Variants in PJA2 observed in about 807,000 individuals in gnomAD.
The protein encoded by PJA2 is praja ring finger ubiquitin ligase 2.
In PJA2, 25 loss-of-function variants were observed where a neutral mutation model predicts 69.3. That is an observed-to-expected ratio of 0.36 (90% CI 0.26 to 0.50). The LOEUF is 0.50. Ranked by LOEUF, PJA2 falls within the 20% of genes least tolerant of loss-of-function variation. PJA2 has a pLI of 0.96. For synonymous variants in PJA2, 308 were observed against 277.8 expected (o/e 1.11, Z -1.08); for missense variants, 809 against 830.2 (o/e 0.97, Z 0.31).
intron 5 of PJA2, among the ~76,000 whole-genome samples, chr5:109,367,158 A>C (rs900424243): frequency 1.4e-5 from 2 of 148,100 alleles, no homozygotes; most frequent in South Asian, 2.1e-4. Flanking sequence ...ATATATATAT[A>C]TATATATCTA....
At chr5:109,337,857 A>C (rs74379077) in intron 9 of PJA2, among the ~76,000 whole-genome samples, 1,898 of 152,218 alleles carry the variant, frequency 0.012, 36 homozygotes, top group African/African-American at 0.044. Context: ...GGTCGATGGC[A>C]AATTAAAGCC....
intron 1 of PJA2, among the ~76,000 whole-genome samples, chr5:109,385,544 A>G (rs934696679): frequency 1.3e-5 from 2 of 152,244 alleles, no homozygotes; most frequent in Non-Finnish European, 2.9e-5. Context: ...TGAGATATCT[A>G]TTAGACATTC....
At chr5:109,354,312 A>G (rs1582593044) in intron 7 of PJA2, among the ~76,000 whole-genome samples, 1 of 145,842 alleles carries the variant, frequency 6.9e-6, no homozygotes, top group Admixed American at 6.8e-5. Flanking sequence ...AGATATCTAT[A>G]GATTAGATAT....
At chr5:109,363,275 T>C (rs1179644836) in intron 5 of PJA2, among the ~76,000 whole-genome samples, 2 of 152,258 alleles carry the variant, frequency 1.3e-5, no homozygotes, top group Non-Finnish European at 2.9e-5. Flanking sequence ...AAATTATCTA[T>C]GCTGTTTTCT....
intron 5 of PJA2, among the ~76,000 whole-genome samples, chr5:109,363,247 CAT>C (rs1762530269): frequency 6.6e-6 from 1 of 152,152 alleles, no homozygotes; most frequent in Non-Finnish European, 1.5e-5. Context: ...TACATAGGAA[CAT>C]ATTTATTTGA....
chr5:109,342,810 G>A (rs1483798593), intron 9 of PJA2, among the ~76,000 whole-genome samples: 11 of 80,790 alleles, frequency 1.4e-4, no homozygotes, highest in Non-Finnish European at 1.5e-4. Context: ...CCGGCCAGCC[G>A]CCCCGTCCGG....
At chr5:109,370,596 G>C (rs1387977229) in intron 4 of PJA2, among the ~76,000 whole-genome samples, 1 of 152,120 alleles carries the variant, frequency 6.6e-6, no homozygotes, top group East Asian at 1.9e-4. Context: ...AAAGTTCCTT[G>C]TATGCTGTAC....
intron 1 of PJA2, among the ~76,000 whole-genome samples, chr5:109,405,870 T>G (rs1359645724): frequency 6.6e-6 from 1 of 151,852 alleles, no homozygotes; most frequent in African/African-American, 2.4e-5. Context: ...TAAGAAAAAG[T>G]TGGTAAGATG....
intron 6 of PJA2, among the ~76,000 whole-genome samples, chr5:109,357,535 G>A (rs1015322819): frequency 6.6e-6 from 1 of 152,124 alleles, no homozygotes. Context: ...CCCTCATCTA[G>A]CAGTAAGATG....
intron 1 of PJA2, among the ~76,000 whole-genome samples, chr5:109,397,005 G>A (rs1747430913): frequency 6.6e-6 from 1 of 152,150 alleles, no homozygotes; most frequent in Non-Finnish European, 1.5e-5. Context: ...ATTAAAAGGT[G>A]GGGTCTTTTG....
Position 109,378,356 on chromosome 5 carries a change from A to C in PJA2, c.1131T>G (p.Asp377Glu). ...YDGEHDCMFL[D>E]PPYSRVITQR... is the part of the protein sequence containing the mutation. ...GTGTAATAACTCTTGAGTATGGTGG[A>C]TCCAAGAACATACAGTCATGCTCTC... The change falls in exon 4 of 10, where the codon GAT (aspartate) becomes GAG (glutamate). Residue 377 changes from aspartate to glutamate, a missense_variant. This residue lies in a region of PJA2 where 700 missense variants were observed against 639.5 expected (regional missense o/e 1.09). Transcript: ENST00000361189. 1 of 1,614,170 alleles carries C rather than the reference A, an allele frequency of 6.2e-7. No individual in the cohort carries two copies.
intron 1 of PJA2, among the ~76,000 whole-genome samples, chr5:109,399,929 T>A (rs1484903282): frequency 6.6e-6 from 1 of 151,980 alleles, no homozygotes; most frequent in Non-Finnish European, 1.5e-5. Flanking sequence ...AAAAAACAGT[T>A]AACAGAAATG....
chr5:109,397,638 C>A (rs1354876472), intron 1 of PJA2, among the ~76,000 whole-genome samples: 1 of 152,106 alleles, frequency 6.6e-6, no homozygotes. Context: ...CCTGCCTCAG[C>A]CTCCCAAGCA....
intron 1 of PJA2, 23 bp from the exon 2 acceptor site, chr5:109,383,543 A>C: frequency 1.2e-6 from 1 of 856,776 alleles, no homozygotes. Flanking sequence ...AATGAATTGA[A>C]CAATATATTA....
At chr5:109,375,758 G>GGATGACAATGAAACATCAGGGA (rs1226624933) in intron 4 of PJA2, among the ~76,000 whole-genome samples, 14 of 152,228 alleles carry the variant, frequency 9.2e-5, no homozygotes, top group Middle Eastern at 6.8e-3. Flanking sequence ...GAACTAGGGA[G>GGATGACAATGAAACATCAGGGA]GATGACAATG....
Position 109,337,257 on chromosome 5 carries a change from T to C in PJA2, c.2101A>G (p.Asn701Asp), listed in dbSNP as rs755957449. Residue 701 changes from asparagine (N) to aspartate (D), a missense_variant, in exon 10 of 10, where the codon AAT (asparagine) becomes GAT (aspartate). Transcript: ENST00000361189. ...TAGGGTGCTTCTGCAATACTGTCATTTGAAGGTGGGGCATCAGGATCAGGC... is the reference window on the plus strand; with the variant it reads ...TAGGGTGCTTCTGCAATACTGTCATCTGAAGGTGGGGCATCAGGATCAGGC... The part of the protein sequence containing the change: ...SEPDPDAPPS[N>D]DSIAEAP 14 of 1,613,804 alleles carry C rather than the reference T, an allele frequency of 8.7e-6. 1 individual carries two copies. The highest frequency in any genetic ancestry group is 1.7e-4 in the Middle Eastern group (1 of 6,026).
At chr5:109,401,672 C>T (rs546147016) in intron 1 of PJA2, among the ~76,000 whole-genome samples, 1 of 152,084 alleles carries the variant, frequency 6.6e-6, no homozygotes, top group Admixed American at 6.5e-5. Flanking sequence ...AAAAGTGAAA[C>T]AAAGTATTTG....
At chr5:109,358,917 AAC>A (rs1762466266) in intron 6 of PJA2, among the ~76,000 whole-genome samples, 1 of 152,194 alleles carries the variant, frequency 6.6e-6, no homozygotes, top group African/African-American at 2.4e-5. Flanking sequence ...TTTAAAAAGA[AAC>A]AGGTTATTTA....
At chr5:109,376,339 A>G (rs1746887315) in intron 4 of PJA2, among the ~76,000 whole-genome samples, 1 of 151,888 alleles carries the variant, frequency 6.6e-6, no homozygotes. Flanking sequence ...AAGAATTACA[A>G]ATAACTAAGA....
Sources: gnomAD v4.1 joint callset for allele counts (sites outside exome capture counted in the v4.1 genomes callset) on GRCh38, gnomAD v4.1.1 for gene constraint, gnomAD v4.1.1 regional missense constraint, MANE v1.5 for transcripts, NCBI Gene and HGNC (gene_info 2026-07-23, HGNC 2026-07-21) for gene names.